The following PSD3 variants were observed in gnomAD, a reference collection of about 807,000 sequenced individuals.
PSD3 encodes pleckstrin and Sec7 domain containing 3, also known as PH and SEC7 domain-containing protein 3.
Under a neutral mutation model 105.5 loss-of-function variants are expected in PSD3, and 49 were observed. The ratio of observed to expected loss-of-function variants is 0.46; its 90% CI spans 0.37 to 0.59. The LOEUF is 0.59. Ranked by LOEUF, PSD3 falls within the 20% of genes least tolerant of loss-of-function variation. The pLI, the probability that PSD3 is intolerant of heterozygous loss-of-function variation, is 0.00. For synonymous variants in PSD3, 557 were observed against 457.8 expected (o/e 1.22, Z -2.77); for missense variants, 1,561 against 1,263.8 (o/e 1.24, Z -3.57).
chr8:18,888,003 C>T (rs117275826), intron 2 of PSD3, among the ~76,000 whole-genome samples: 453 of 152,278 alleles, frequency 3.0e-3, no homozygotes, highest in South Asian at 7.0e-3. Flanking sequence ...CAAGATCACA[C>T]GGCTAACGCT....
At chr8:18,919,324 G>A (rs1033027541) in intron 2 of PSD3, among the ~76,000 whole-genome samples, 13 of 152,136 alleles carry the variant, frequency 8.5e-5, no homozygotes, top group African/African-American at 3.1e-4. Flanking sequence ...CACACCCTTA[G>A]AAAGGAGCCC....
intron 8 of PSD3, among the ~76,000 whole-genome samples, chr8:18,765,980 C>A (rs1373541593): frequency 1.7e-5 from 2 of 118,098 alleles, no homozygotes; most frequent in Non-Finnish European, 4.1e-5. Context: ...AAAAAAAAAC[C>A]AAAAACAAAA....
chr8:18,651,557 C>T (rs1437884751), intron 10 of PSD3, among the ~76,000 whole-genome samples: 1 of 152,138 alleles, frequency 6.6e-6, no homozygotes, highest in Admixed American at 6.5e-5. Context: ...CTATGATCAG[C>T]AACAGAGGAG....
At chr8:18,802,844 A>C (rs570229681) in intron 6 of PSD3, among the ~76,000 whole-genome samples, 1 of 152,246 alleles carries the variant, frequency 6.6e-6, no homozygotes, top group Non-Finnish European at 1.5e-5. Flanking sequence ...TAATGTAAAA[A>C]GTGAGAATCA....
At chr8:19,033,988 C>A (rs928818424) in intron 1 of PSD3, among the ~76,000 whole-genome samples, 12 of 152,040 alleles carry the variant, frequency 7.9e-5, no homozygotes, top group Non-Finnish European at 1.6e-4. Flanking sequence ...TCTAGGGAAA[C>A]GTGATTATAT....
intron 1 of PSD3, among the ~76,000 whole-genome samples, chr8:19,010,162 A>C (rs1826886575): frequency 6.6e-6 from 1 of 152,188 alleles, no homozygotes; most frequent in Non-Finnish European, 1.5e-5. Context: ...TCCTCAAGTA[A>C]GCCTCAAGGA....
intron 4 of PSD3, among the ~76,000 whole-genome samples, chr8:18,811,098 A>G (rs2172290): frequency 0.52 from 79,568 of 152,078 alleles, 23,292 homozygotes; most frequent in Non-Finnish European, 0.66. Flanking sequence ...CATAGCACCC[A>G]CCATGGTACC....
chr8:18,720,708 T>C (rs1802913883), intron 9 of PSD3, among the ~76,000 whole-genome samples: 1 of 152,160 alleles, frequency 6.6e-6, no homozygotes, highest in African/African-American at 2.4e-5. Flanking sequence ...CCCACAGTGC[T>C]CTGCAGATGG....
At chr8:19,056,477 C>A (rs1268863649) in intron 1 of PSD3, among the ~76,000 whole-genome samples, 1 of 152,198 alleles carries the variant, frequency 6.6e-6, no homozygotes, top group Admixed American at 6.5e-5. Context: ...TGTACACAAT[C>A]TAATTAGCAT....
chr8:19,066,272 A>T, intron 1 of PSD3, among the ~76,000 whole-genome samples: 1 of 152,224 alleles, frequency 6.6e-6, no homozygotes, highest in East Asian at 1.9e-4. Flanking sequence ...TTATTAGAAA[A>T]TTTGATTACA....
intron 1 of PSD3, among the ~76,000 whole-genome samples, chr8:18,984,567 G>A (rs1825404019): frequency 6.6e-6 from 1 of 152,150 alleles, no homozygotes; most frequent in Non-Finnish European, 1.5e-5. Context: ...AACTATTTGA[G>A]CATTTGAAGG....
chr8:18,692,441 G>A (rs556851983), intron 9 of PSD3, among the ~76,000 whole-genome samples: 5 of 152,170 alleles, frequency 3.3e-5, no homozygotes, highest in African/African-American at 9.7e-5. Context: ...TTTAGAAAAT[G>A]AGGCAGGATC....
chr8:19,017,128 C>T (rs1827203733), upstream of PSD3, among the ~76,000 whole-genome samples: 2 of 148,146 alleles, frequency 1.4e-5, no homozygotes, highest in African/African-American at 2.5e-5. Flanking sequence ...TCACAGCTCA[C>T]TGCAGCCTCT....
At chr8:18,959,217 A>G (rs1823762640) in intron 1 of PSD3, among the ~76,000 whole-genome samples, 1 of 152,162 alleles carries the variant, frequency 6.6e-6, no homozygotes, top group Non-Finnish European at 1.5e-5. Context: ...CACCACGTCC[A>G]GCTTAAGTGG....
At chr8:18,545,019 G>C (rs1800373444) in intron 15 of PSD3, among the ~76,000 whole-genome samples, 1 of 152,162 alleles carries the variant, frequency 6.6e-6, no homozygotes, top group Admixed American at 6.6e-5. Flanking sequence ...CAACACTGTT[G>C]TCTTTGTGGA....
chr8:18,664,797 G>A (rs769406706), intron 9 of PSD3, among the ~76,000 whole-genome samples: 16 of 152,196 alleles, frequency 1.1e-4, no homozygotes, highest in Non-Finnish European at 2.1e-4. Context: ...AATGAAGCTG[G>A]TGACCTTAAG....
chr8:18,845,381 G>A (rs1220839671), intron 4 of PSD3, among the ~76,000 whole-genome samples: 1 of 152,156 alleles, frequency 6.6e-6, no homozygotes, highest in Non-Finnish European at 1.5e-5. Flanking sequence ...CACTCACATG[G>A]TCCTGTCTGC....
chr8:19,050,330 G>A (rs1261558290), intron 1 of PSD3, among the ~76,000 whole-genome samples: 2 of 152,088 alleles, frequency 1.3e-5, no homozygotes, highest in East Asian at 1.9e-4. Flanking sequence ...AGGATATAAT[G>A]GCTAAGAGGC....
At chr8:18,734,101 G>C (rs1803974775) in intron 9 of PSD3, 1 of 152,168 alleles carries the variant, frequency 6.6e-6, no homozygotes, top group Admixed American at 6.5e-5. Context: ...TATGGGTCTA[G>C]ATAATTCTTA....
Sources: gnomAD v4.1 joint callset for allele counts (sites outside exome capture counted in the v4.1 genomes callset) on GRCh38, gnomAD v4.1.1 for gene constraint, MANE v1.5 for transcripts, NCBI Gene and HGNC (gene_info 2026-07-23, HGNC 2026-07-21) for gene names.